The following CAMKMT variants were observed in gnomAD, a reference collection of about 807,000 sequenced individuals.
CAMKMT encodes calmodulin-lysine N-methyltransferase.
A neutral mutation model predicts 48.0 loss-of-function variants in CAMKMT; 53 were observed. The ratio of observed to expected loss-of-function variants is 1.10; its 90% confidence interval spans 0.89 to 1.39. The LOEUF (loss-of-function observed/expected upper bound fraction) is 1.39, where lower values mean the gene tolerates loss of function less well. CAMKMT is among the 40% of genes most tolerant of loss of function. The pLI, the probability that CAMKMT is intolerant of heterozygous loss-of-function variation, is 0.00. For missense variants in CAMKMT, 428 were observed against 402.7 expected (o/e 1.06, Z -0.54); for synonymous variants, 165 against 152.3 (o/e 1.08, Z -0.61).
At chr2:44,715,535 G>C (rs1265339467) in intron 7 of CAMKMT, among the ~76,000 whole-genome samples, 182 bp downstream of exon 7, 3 of 152,182 alleles carry the variant, frequency 2.0e-5, no homozygotes, top group South Asian at 2.1e-4. Context: ...GAGGCAGACA[G>C]ACACTCTCAT....
At chr2:44,373,492 G>A (rs1406559913) in intron 2 of CAMKMT, among the ~76,000 whole-genome samples, 2 of 152,144 alleles carry the variant, frequency 1.3e-5, no homozygotes, top group African/African-American at 4.8e-5. Context: ...CTAGCATGTT[G>A]CAATATTACT....
intron 3 of CAMKMT, among the ~76,000 whole-genome samples, chr2:44,682,930 C>T (rs1676105981): frequency 6.6e-6 from 1 of 152,200 alleles, no homozygotes; most frequent in African/African-American, 2.4e-5. Context: ...AGACAAATTA[C>T]ATGTAGACAT....
chr2:44,633,132 C>T (rs1672932681), intron 3 of CAMKMT, among the ~76,000 whole-genome samples: 2 of 152,038 alleles, frequency 1.3e-5, no homozygotes, highest in Non-Finnish European at 2.9e-5. Flanking sequence ...TCTATTATTT[C>T]TGACGAGAAG....
intron 3 of CAMKMT, among the ~76,000 whole-genome samples, chr2:44,397,181 A>T (rs1056789402): frequency 6.6e-6 from 1 of 152,236 alleles, no homozygotes; most frequent in Non-Finnish European, 1.5e-5. Flanking sequence ...TGAGATAAGG[A>T]ATCAGAGATC....
intron 1 of CAMKMT, among the ~76,000 whole-genome samples, chr2:44,371,493 T>A (rs1679176534): frequency 6.6e-6 from 1 of 152,238 alleles, no homozygotes; most frequent in Admixed American, 6.5e-5. Context: ...CCAAATATAT[T>A]TGGCTTTTCA....
intron 3 of CAMKMT, among the ~76,000 whole-genome samples, chr2:44,457,666 A>T (rs990487003): frequency 6.6e-6 from 1 of 152,112 alleles, no homozygotes; most frequent in Non-Finnish European, 1.5e-5. Flanking sequence ...CAAAAGTGCT[A>T]GGATTACAGG....
intron 3 of CAMKMT, among the ~76,000 whole-genome samples, chr2:44,453,657 A>G (rs1022803962): frequency 2.0e-5 from 3 of 152,072 alleles, no homozygotes; most frequent in Non-Finnish European, 4.4e-5. Flanking sequence ...TATAGCGCAA[A>G]CATTTTTATT....
chr2:44,744,521 C>G (rs1488480121), intron 8 of CAMKMT, among the ~76,000 whole-genome samples: 1 of 152,062 alleles, frequency 6.6e-6, no homozygotes, highest in Non-Finnish European at 1.5e-5. Context: ...CAAGTATTTT[C>G]CCTGTTAAGA....
chr2:44,558,955 C>G (rs1168067052), intron 3 of CAMKMT, among the ~76,000 whole-genome samples: 13 of 151,228 alleles, frequency 8.6e-5, no homozygotes, highest in Admixed American at 3.3e-4. Context: ...AAATGTGTCT[C>G]TGTGTGTGTG....
intron 6 of CAMKMT, among the ~76,000 whole-genome samples, chr2:44,707,923 C>G (rs1044242112): frequency 2.0e-5 from 3 of 152,206 alleles, no homozygotes; most frequent in East Asian, 1.9e-4. Flanking sequence ...GCTGAGGGTA[C>G]CTATATCCCC....
At chr2:44,645,521 A>T (rs983927749) in intron 3 of CAMKMT, among the ~76,000 whole-genome samples, 2 of 152,146 alleles carry the variant, frequency 1.3e-5, no homozygotes, top group African/African-American at 4.8e-5. Flanking sequence ...ATTAAAATCA[A>T]TTAGCAAAAA....
intron 2 of CAMKMT, among the ~76,000 whole-genome samples, chr2:44,375,296 A>C (rs1679570944): frequency 6.6e-6 from 1 of 151,878 alleles, no homozygotes; most frequent in Non-Finnish European, 1.5e-5. Flanking sequence ...TTTAATCAGC[A>C]GTAATGATGA....
chr2:44,458,159 A>G (rs1314359275), intron 3 of CAMKMT, among the ~76,000 whole-genome samples: 1 of 139,354 alleles, frequency 7.2e-6, no homozygotes, highest in East Asian at 2.1e-4. Context: ...CGATCTTCCC[A>G]CCTCAGCCTC....
At chr2:44,735,809 A>T (rs919977304) in intron 7 of CAMKMT, among the ~76,000 whole-genome samples, 5 of 152,048 alleles carry the variant, frequency 3.3e-5, no homozygotes, top group Non-Finnish European at 7.4e-5. Flanking sequence ...GCTACTCGGG[A>T]GGCTGAGACA....
chr2:44,743,754 T>C (rs989250344), intron 8 of CAMKMT, 58 bp downstream of exon 8: 19 of 1,350,878 alleles, frequency 1.4e-5, no homozygotes, highest in Non-Finnish European at 2.0e-5. Context: ...GCTGGAGTAA[T>C]TGGGCTGTGT....
chr2:44,419,570 A>G (rs995258303), intron 3 of CAMKMT, among the ~76,000 whole-genome samples: 5 of 152,198 alleles, frequency 3.3e-5, no homozygotes, highest in African/African-American at 1.2e-4. Flanking sequence ...ATTTGCATAC[A>G]TCTTGATTTT....
intron 3 of CAMKMT, among the ~76,000 whole-genome samples, chr2:44,699,568 G>A (rs1011734210): frequency 4.6e-5 from 7 of 152,074 alleles, no homozygotes; most frequent in African/African-American, 1.7e-4. Flanking sequence ...TAGAGCATAA[G>A]CAGAGTAGAT....
chr2:44,468,358 C>G (rs1333769214), intron 3 of CAMKMT, among the ~76,000 whole-genome samples: 2 of 152,110 alleles, frequency 1.3e-5, no homozygotes, highest in African/African-American at 4.8e-5. Context: ...ATAACAAATG[C>G]TGGTGAGGAT....
intron 3 of CAMKMT, among the ~76,000 whole-genome samples, chr2:44,449,839 A>G (rs1667198925): frequency 6.6e-6 from 1 of 152,062 alleles, no homozygotes; most frequent in Non-Finnish European, 1.5e-5. Context: ...TAGTACTAGA[A>G]ATTTTTTTCC....
Sources: gnomAD v4.1 joint callset for allele counts (sites outside exome capture counted in the v4.1 genomes callset) on GRCh38, gnomAD v4.1.1 for gene constraint, MANE v1.5 for transcripts, NCBI Gene and HGNC (gene_info 2026-07-23, HGNC 2026-07-21) for gene names.